Variants in ADGRD1 observed in about 807,000 individuals in gnomAD.
The protein encoded by ADGRD1 is G-protein coupled receptor 133.
Under a neutral mutation model 113.4 loss-of-function variants are expected in ADGRD1, and 77 were observed. The observed-to-expected ratio is 0.68, with a 90% CI of 0.57 to 0.82. The LOEUF (loss-of-function observed/expected upper bound fraction) is 0.82, where lower values mean the gene tolerates loss of function less well. ADGRD1 is among the 40% of genes least tolerant of loss of function. The probability of loss-of-function intolerance (pLI) is 0.00; values close to 1 mark genes in which losing one functional copy is unlikely to be tolerated. For synonymous variants in ADGRD1, 474 were observed against 475.0 expected (o/e 1.00, Z 0.03); for missense variants, 1,036 against 1,139.1 (o/e 0.91, Z 1.30).
At chr12:131,115,584 A>G (rs1327122011) in intron 18 of ADGRD1, among the ~76,000 whole-genome samples, 1 of 151,966 alleles carries the variant, frequency 6.6e-6, no homozygotes, top group Non-Finnish European at 1.5e-5. Context: ...CTGCCCCTCA[A>G]TCTTAGGGGG....
In ADGRD1 at chr12:131,060,375, A is replaced by G. The variant is rs973086861; in HGVS notation, c.1474-16426A>G. ...TCCTGGTCCTCTGTGGTTACTGGAC[A>G]TATCAGATCAAATAGCTCAGGAGGC... On this transcript the variant is annotated intron_variant, in intron 13 of 24. Transcript: ENST00000261654. This position sits in a 1 kb window ranked among gnomAD's most constrained non-coding sequence, Gnocchi z 4.4. 3.3e-5 allele frequency among the ~76,000 whole-genome samples: 5 copies of G among 152,342 alleles called. No individual in the cohort carries two copies. The highest frequency in any genetic ancestry group is 2.0e-4 in the Admixed American group (3 of 15,310).
chr12:131,004,425 C>T, intron 11 of ADGRD1, 129 bp downstream of exon 11: 2 of 688,134 alleles, frequency 2.9e-6, no homozygotes, highest in Non-Finnish European at 5.0e-6. Context: ...CTGCGGTGCT[C>T]CCCCGGACTG....
intron 13 of ADGRD1, among the ~76,000 whole-genome samples, chr12:131,018,299 C>G (rs1878882245): frequency 6.6e-6 from 1 of 152,226 alleles, no homozygotes; most frequent in South Asian, 2.1e-4. Context: ...CGCATTCTCC[C>G]AGGTGTCTGC....
intron 12 of ADGRD1, among the ~76,000 whole-genome samples, chr12:131,007,455 G>A (rs1032743355): frequency 3.9e-5 from 6 of 152,356 alleles, no homozygotes; most frequent in African/African-American, 1.4e-4. Context: ...ATGGGCAGAG[G>A]AGAGGCCGGC....
intron 12 of ADGRD1, among the ~76,000 whole-genome samples, chr12:131,011,139 GCCCCACCTCACCCCTT>G (rs1877821815): frequency 5.8e-5 from 2 of 34,400 alleles, no homozygotes; most frequent in Non-Finnish European, 1.1e-4. Context: ...TCCCCACCCT[GCCCCACCTCACCCCTT>G]CCCCACCCTG....
chr12:131,020,150 G>A, intron 13 of ADGRD1, among the ~76,000 whole-genome samples: 6 of 45,258 alleles, frequency 1.3e-4, no homozygotes, highest in Middle Eastern at 0.016. Flanking sequence ...GGTGCTCGAG[G>A]GAGATATTCC....
At chr12:130,960,444 T>C (rs1053951126) in intron 2 of ADGRD1, among the ~76,000 whole-genome samples, 1 of 152,194 alleles carries the variant, frequency 6.6e-6, no homozygotes, top group Non-Finnish European at 1.5e-5. Flanking sequence ...GTATTTATAA[T>C]AGAATTTTAA....
At chr12:131,021,668 C>T (rs1879338929) in intron 13 of ADGRD1, among the ~76,000 whole-genome samples, 2 of 152,136 alleles carry the variant, frequency 1.3e-5, no homozygotes, top group South Asian at 2.1e-4. Flanking sequence ...TCCCTATGTC[C>T]TCACATGGTC....
intron 5 of ADGRD1, among the ~76,000 whole-genome samples, chr12:130,983,719 C>T (rs567652465): frequency 6.6e-6 from 1 of 152,294 alleles, no homozygotes; most frequent in Non-Finnish European, 1.5e-5. Context: ...GCTCCAGAGA[C>T]TCAAAATTAT....
chr12:131,039,140 A>G (rs1370592275), intron 13 of ADGRD1, among the ~76,000 whole-genome samples: 2 of 152,016 alleles, frequency 1.3e-5, no homozygotes, highest in Non-Finnish European at 2.9e-5. Flanking sequence ...CCTCCAGGCC[A>G]CTGCCCGCTG....
intron 6 of ADGRD1, chr12:130,987,932 C>T (rs552787299): frequency 6.4e-6 from 1 of 156,364 alleles, no homozygotes; most frequent in African/African-American, 2.4e-5. Flanking sequence ...CAGCTGCCAC[C>T]TCTACCTGGC....
intron 5 of ADGRD1, among the ~76,000 whole-genome samples, chr12:130,983,168 G>A (rs1873223476): frequency 6.6e-6 from 1 of 152,122 alleles, no homozygotes; most frequent in Non-Finnish European, 1.5e-5. Flanking sequence ...GGCAGTAATA[G>A]CAGTATCACA....
intron 6 of ADGRD1, 72 bp downstream of exon 6, chr12:130,987,421 C>T: frequency 1.3e-6 from 2 of 1,546,088 alleles, no homozygotes; most frequent in Non-Finnish European, 1.8e-6. Flanking sequence ...GGCCTCCTTT[C>T]TCCCCACTCT....
chr12:131,066,889 C>T (rs916376863), intron 13 of ADGRD1, among the ~76,000 whole-genome samples: 17 of 152,166 alleles, frequency 1.1e-4, no homozygotes, highest in Non-Finnish European at 1.6e-4. Context: ...CAGATCTTTC[C>T]GGGCCCGGGG....
In ADGRD1 at chr12:131,134,053, T is replaced by A. The variant is rs1951005946; in HGVS notation, c.2268-1984T>A. Among the ~76,000 whole-genome samples the A allele has an allele frequency of 2.0e-5, 3 of 152,156 alleles. No individual in the cohort carries two copies. In the South Asian group the frequency reaches 6.2e-4, roughly 32 times the overall value. ...GGGGAGAAGCCTGGCTTTCACTTTT[T>A]AAAAAAGTCTCTGTTTATTGATTGT... On this transcript the variant is annotated intron_variant, in intron 21 of 24. Transcript: ENST00000261654.
intron 8 of ADGRD1, among the ~76,000 whole-genome samples, chr12:130,994,508 G>A (rs1293547072): frequency 6.6e-6 from 1 of 152,198 alleles, no homozygotes; most frequent in African/African-American, 2.4e-5. Flanking sequence ...GGGCACGGGC[G>A]CCCTCCCGTC....
rs1882086098 is a variant in ADGRD1 at position 131,041,052 on chromosome 12, A to G, written c.1473+26712A>G. ...CCCCACCTGGATGGTCCCTGGGGACATCTGAGTTGTGACCTGTGGTGATGA... is the reference window on the plus strand; with the variant it reads ...CCCCACCTGGATGGTCCCTGGGGACGTCTGAGTTGTGACCTGTGGTGATGA... On this transcript the variant is annotated intron_variant, in intron 13 of 24. Transcript: ENST00000261654. The surrounding 1 kb of genome is among the most constrained non-coding windows in gnomAD (Gnocchi z 4.4). Among the ~76,000 whole-genome samples, 1 of 152,204 alleles carries G rather than the reference A, an allele frequency of 6.6e-6. No individual in the cohort carries two copies. Among genetic ancestry groups the G allele is most frequent in the Non-Finnish European group, 1.5e-5 (1 of 68,036 alleles).
chr12:131,105,699 C>T, intron 16 of ADGRD1, 55 bp from the exon 17 acceptor site: 1 of 1,414,630 alleles, frequency 7.1e-7, no homozygotes, highest in Non-Finnish European at 9.8e-7. Flanking sequence ...GGAGCCCAGC[C>T]TGGGGGACTG....
Position 130,971,593 on chromosome 12 carries a change from T to C in ADGRD1, c.310+13T>C. ...TGTGGCCCTGAAGGTGAGTGGCTGATCCCTGCGGCATCTTTGTCAAGCATT... is the reference window on the plus strand; with the variant it reads ...TGTGGCCCTGAAGGTGAGTGGCTGACCCCTGCGGCATCTTTGTCAAGCATT... On this transcript the variant is annotated intron_variant, in intron 4 of 24. Transcript: ENST00000261654. This position sits in a 1 kb window ranked among gnomAD's most constrained non-coding sequence, Gnocchi z 4.2. The C allele has an allele frequency of 6.3e-7, 1 of 1,598,048 alleles. No individual in the cohort carries two copies. The highest frequency in any genetic ancestry group is 8.5e-7 in the Non-Finnish European group (1 of 1,172,422).
Sources: gnomAD v4.1 joint callset for allele counts (sites outside exome capture counted in the v4.1 genomes callset) on GRCh38, gnomAD v4.1.1 for gene constraint, Gnocchi (gnomAD v3.1) non-coding constraint, MANE v1.5 for transcripts, NCBI Gene and HGNC (gene_info 2026-07-23, HGNC 2026-07-21) for gene names.